Variants in TBC1D23 observed in about 807,000 individuals in gnomAD.
TBC1D23 encodes the protein TBC1 domain family member 23.
TBC1D23 carries 55 observed loss-of-function variants against 91.4 expected under a neutral mutation model. The observed-to-expected ratio is 0.60, with a 90% CI of 0.48 to 0.75. The LOEUF (loss-of-function observed/expected upper bound fraction) is 0.75. TBC1D23 is among the 30% of genes least tolerant of loss of function. TBC1D23 has a pLI of 0.00. For synonymous variants in TBC1D23, 289 were observed against 281.0 expected, an observed-to-expected ratio of 1.03 and a Z score of -0.28; for missense variants, 725 against 836.1, an observed-to-expected ratio of 0.87 and a Z score of 1.64.
intron 1 of TBC1D23, among the ~76,000 whole-genome samples, chr3:100,275,317 C>T (rs183114590): frequency 6.6e-6 from 1 of 150,500 alleles, no homozygotes; most frequent in Non-Finnish European, 1.5e-5. Context: ...GACAGGGTCT[C>T]GTTCTGTAGC....
chr3:100,297,392 C>G (rs896376060), intron 8 of TBC1D23, among the ~76,000 whole-genome samples: 1 of 152,256 alleles, frequency 6.6e-6, no homozygotes, highest in African/African-American at 2.4e-5. Flanking sequence ...TTATATAGAA[C>G]TCTTCAGTTC....
At chr3:100,265,969 C>G (rs1199590381) in intron 1 of TBC1D23, among the ~76,000 whole-genome samples, 2 of 151,732 alleles carry the variant, frequency 1.3e-5, no homozygotes, top group Non-Finnish European at 2.9e-5. Context: ...CTTTTAAGAA[C>G]TAAGTGATTG....
At chr3:100,322,851 C>T (rs1345939879) in intron 18 of TBC1D23, among the ~76,000 whole-genome samples, 1 of 151,796 alleles carries the variant, frequency 6.6e-6, no homozygotes, top group East Asian at 1.9e-4. Flanking sequence ...TCCCTTTCTT[C>T]ATTGATATTT....
chr3:100,323,518 A>G, intron 18 of TBC1D23, 69 bp from the exon 19 acceptor site: 1 of 782,400 alleles, frequency 1.3e-6, no homozygotes, highest in East Asian at 4.3e-5. Flanking sequence ...AAGGGAAAGC[A>G]CTGTATTTTT....
intron 1 of TBC1D23, among the ~76,000 whole-genome samples, chr3:100,277,428 A>G (rs1042116833): frequency 6.6e-6 from 1 of 152,188 alleles, no homozygotes; most frequent in East Asian, 1.9e-4. Context: ...GTACTGCTGG[A>G]GAGCACATTT....
chr3:100,299,325 A>G lies in TBC1D23; in HGVS notation c.1086A>G (p.Ser362=). The G allele has an allele frequency of 6.3e-7, 1 of 1,593,582 alleles. No homozygotes were observed. The highest frequency in any genetic ancestry group is 8.6e-7 in the Non-Finnish European group (1 of 1,162,224). The change falls in exon 10 of 19, where the codon TCA becomes TCG. Residue 362 remains serine (S), a synonymous_variant. Coordinates refer to ENST00000394144, the MANE Select transcript of TBC1D23 (RefSeq NM_001199198.3). ...GHLSTAFHLD[S]DLMLQNPSEF... ...TATCAACTGCTTTCCACTTAGATTC[A>G]GACCTGGTTAGTATAAATGCTGATT... is the stretch of plus-strand genomic sequence containing the variant.
intron 1 of TBC1D23, among the ~76,000 whole-genome samples, chr3:100,269,224 G>A (rs1018747307): frequency 5.3e-5 from 8 of 152,166 alleles, no homozygotes; most frequent in Admixed American, 6.5e-5. Flanking sequence ...ATTTAGCACC[G>A]TCTTTACTTG....
chr3:100,300,721 A>C (rs951751999), intron 10 of TBC1D23, among the ~76,000 whole-genome samples: 5 of 151,792 alleles, frequency 3.3e-5, no homozygotes, highest in African/African-American at 1.2e-4. Context: ...GCTGGTCTCA[A>C]ACTCCCAGCT....
intron 11 of TBC1D23, among the ~76,000 whole-genome samples, chr3:100,302,444 T>G (rs1366468137): frequency 6.6e-6 from 1 of 152,208 alleles, no homozygotes; most frequent in African/African-American, 2.4e-5. Context: ...GTGTAAGAAG[T>G]AAGATAGGAA....
chr3:100,303,882 C>T (rs558961117), intron 11 of TBC1D23, among the ~76,000 whole-genome samples: 145 of 152,076 alleles, frequency 9.5e-4, no homozygotes, highest in Middle Eastern at 3.4e-3. Flanking sequence ...TATTCGAGTT[C>T]TTTATGTGGT....
At position 100,281,820 on chromosome 3, in the gene TBC1D23, A is replaced by G. The variant is rs1402732889; in HGVS notation, c.244A>G (p.Ile82Val). The G allele has an allele frequency of 1.9e-6, 3 of 1,609,016 alleles. No individual in the cohort carries two copies. The African/African-American group carries it at 4.0e-5, about 22-fold the overall frequency. Reference sequence around the variant, plus strand: ...TTTAGACTTGCCAGAACAGAACACTATTCACAAAGATTGCCTGCAGTTTAT... The same window carrying G: ...TTTAGACTTGCCAGAACAGAACACTGTTCACAAAGATTGCCTGCAGTTTAT... ...GILDLPEQNT[I>V]HKDCLQFIDQ... Residue 82 changes from isoleucine to valine, a missense_variant, in exon 3 of 19, where the codon ATT becomes GTT. Ile to Val is a conservative substitution (Grantham distance 29, BLOSUM62 3). Coordinates refer to ENST00000394144, the MANE Select transcript of TBC1D23 (RefSeq NM_001199198.3).
chr3:100,303,877 G>A (rs1327471320), intron 11 of TBC1D23, among the ~76,000 whole-genome samples: 2 of 152,138 alleles, frequency 1.3e-5, no homozygotes, highest in East Asian at 1.9e-4. Flanking sequence ...TTAATTATTC[G>A]AGTTCTTTAT....
intron 2 of TBC1D23, 62 bp downstream of exon 2, chr3:100,279,822 T>TGGCCGGGCGCGG: frequency 9.5e-7 from 1 of 1,048,336 alleles, no homozygotes; most frequent in Admixed American, 2.3e-5. Flanking sequence ...TAAAAGTTTG[T>TGGCCGGGCGCGG]TGCTTCAGAT....
At position 100,311,678 on chromosome 3, in the gene TBC1D23, CTTTG is replaced by C. The variant is rs1220023298; in HGVS notation, c.1554-151_1554-148del. On this transcript the variant is annotated intron_variant, in intron 14 of 18. Coordinates refer to ENST00000394144, the MANE Select transcript of TBC1D23 (RefSeq NM_001199198.3). ...CCTTGATTAGTTGAAATTGGCTTTT[CTTTG>C]TTTTTCTTTGTACTTGGGATGATGG... Among the ~76,000 whole-genome samples, 8 of 152,242 alleles carry C rather than the reference CTTTG, an allele frequency of 5.3e-5. No individual in the cohort carries two copies. In the South Asian group the frequency reaches 1.7e-3, roughly 32 times the overall value.
At chr3:100,276,366 A>G (rs1336633812) in intron 1 of TBC1D23, among the ~76,000 whole-genome samples, 2 of 152,034 alleles carry the variant, frequency 1.3e-5, no homozygotes, top group Non-Finnish European at 2.9e-5. Context: ...TATGTAATCC[A>G]GTTGCTTTTA....
chr3:100,272,471 A>C (rs1307467408), intron 1 of TBC1D23, among the ~76,000 whole-genome samples: 1 of 152,132 alleles, frequency 6.6e-6, no homozygotes, highest in Non-Finnish European at 1.5e-5. Context: ...TAATATTGTT[A>C]AAATGGCCAT....
chr3:100,290,766 G>GTT (rs140797989), intron 5 of TBC1D23, 65 bp downstream of exon 5: 86 of 1,045,180 alleles, frequency 8.2e-5, no homozygotes, highest in South Asian at 1.9e-4. Context: ...AGTTAGGTGG[G>GTT]TTTTTTTTTT....
Position 100,283,660 on chromosome 3 carries a change from T to A in TBC1D23, c.325T>A (p.Ser109Thr), listed in dbSNP as rs755155022. 1.2e-6 allele frequency: 2 copies of A among 1,613,772 alleles called. No individual in the cohort carries two copies. The highest frequency in any genetic ancestry group is 1.1e-5 in the South Asian group (1 of 91,082). ...KAAELLLDIE[S>T]VITFYCKSRN... ...AGCAGAATTACTTTTGGATATTGAA[T>A]CTGTAATTACCTTTTATTGTAAATC... The change falls in exon 4 of 19, where the codon TCT becomes ACT. Residue 109 changes from serine to threonine, a missense_variant. Ser to Thr is a moderately conservative substitution (Grantham distance 58, BLOSUM62 1). Transcript: ENST00000394144.
intron 1 of TBC1D23, among the ~76,000 whole-genome samples, chr3:100,275,180 G>GT (rs1210236173): frequency 6.6e-6 from 1 of 151,822 alleles, no homozygotes; most frequent in Non-Finnish European, 1.5e-5. Context: ...GTCAACCTAT[G>GT]TTTTTTGAAA....
Sources: allele counts gnomAD v4.1 joint callset (sites outside exome capture counted in the v4.1 genomes callset), GRCh38; gene constraint gnomAD v4.1.1; transcripts MANE v1.5; gene names NCBI Gene and HGNC (gene_info 2026-07-23, HGNC 2026-07-21).